MPDZ: variants seen among roughly 807,000 people sequenced by gnomAD.
The protein encoded by MPDZ is multiple PDZ domain crumbs cell polarity complex component.
Under a neutral mutation model 239.1 loss-of-function variants are expected in MPDZ, and 234 were observed. The ratio of observed to expected loss-of-function variants is 0.98; its 90% CI spans 0.88 to 1.09. The LOEUF is 1.09. Among genes scored for constraint, MPDZ ranks in the 50% least tolerant of loss-of-function variants. MPDZ has a pLI of 0.00. For synonymous variants in MPDZ, 1,048 were observed against 881.3 expected, an observed-to-expected ratio of 1.19 and a Z score of -3.35; for missense variants, 3,175 against 2,510.0, an observed-to-expected ratio of 1.26 and a Z score of -5.66.
intron 1 of MPDZ, among the ~76,000 whole-genome samples, chr9:13,252,183 C>T (rs999316896): frequency 6.6e-6 from 1 of 152,088 alleles, no homozygotes; most frequent in Admixed American, 6.6e-5. Context: ...GATTTATTTA[C>T]TCTTATTTAC....
At chr9:13,277,625 C>T (rs751381735) in intron 1 of MPDZ, among the ~76,000 whole-genome samples, 3 of 152,110 alleles carry the variant, frequency 2.0e-5, no homozygotes, top group Non-Finnish European at 2.9e-5. Flanking sequence ...AGTGCAGTGG[C>T]GCGATCTCGG....
At chr9:13,129,358 G>A (rs969976798) in intron 32 of MPDZ, among the ~76,000 whole-genome samples, 43 of 151,550 alleles carry the variant, frequency 2.8e-4, no homozygotes, top group Admixed American at 2.8e-3. Flanking sequence ...AGCTACTCGG[G>A]AGGCTGATGC....
At chr9:13,122,012 A>C (rs1188840621) in intron 37 of MPDZ, 75 bp downstream of exon 37, 1 of 1,599,354 alleles carries the variant, frequency 6.3e-7, no homozygotes, top group African/African-American at 1.3e-5. Flanking sequence ...AGAGAGAAAG[A>C]AGCAAAGAAA....
chr9:13,253,624 A>T (rs1968673925), intron 1 of MPDZ, among the ~76,000 whole-genome samples: 1 of 152,202 alleles, frequency 6.6e-6, no homozygotes, highest in African/African-American at 2.4e-5. Flanking sequence ...CTGAGTGATA[A>T]CAGTGGGTCA....
At chr9:13,246,173 C>T (rs192895537) in intron 3 of MPDZ, among the ~76,000 whole-genome samples, 25 of 152,224 alleles carry the variant, frequency 1.6e-4, no homozygotes, top group Admixed American at 1.2e-3. Context: ...TCTTGCCAGG[C>T]GCGATGGCTC....
chr9:13,199,962 G>A (rs1294823245), intron 12 of MPDZ, among the ~76,000 whole-genome samples: 1 of 151,954 alleles, frequency 6.6e-6, no homozygotes, highest in Non-Finnish European at 1.5e-5. Flanking sequence ...GGCAAGGCTG[G>A]CCCCAAATAA....
At chr9:13,128,277 C>CA (rs1447349092) in intron 32 of MPDZ, among the ~76,000 whole-genome samples, 1 of 152,152 alleles carries the variant, frequency 6.6e-6, no homozygotes, top group African/African-American at 2.4e-5. Flanking sequence ...ACAGCTAGGT[C>CA]AAAAAAGGCA....
At chr9:13,261,384 T>C (rs1218970821) in intron 1 of MPDZ, among the ~76,000 whole-genome samples, 1 of 152,174 alleles carries the variant, frequency 6.6e-6, no homozygotes, top group Non-Finnish European at 1.5e-5. Flanking sequence ...TGAAGCTCTG[T>C]TTGCTCCATT....
chr9:13,138,302 C>G, intron 28 of MPDZ, 149 bp from the exon 29 acceptor site: 1 of 902,066 alleles, frequency 1.1e-6, no homozygotes, highest in Non-Finnish European at 1.6e-6. Context: ...AGACTAGGCA[C>G]TTGGGCATCA....
chr9:13,110,777 C>T (rs781232395), intron 43 of MPDZ, 37 bp from the exon 44 acceptor site: 5 of 1,531,610 alleles, frequency 3.3e-6, no homozygotes, highest in Non-Finnish European at 3.6e-6. Context: ...TCTGCTAAAG[C>T]AGCCATGGAG....
At chr9:13,109,112 C>G (rs10732331) in intron 45 of MPDZ, 53 bp from the exon 46 acceptor site, 1 of 1,222,142 alleles carries the variant, frequency 8.2e-7, no homozygotes, top group Non-Finnish European at 1.1e-6. Flanking sequence ...AAAAACTATA[C>G]ATATATGTTA....
At chr9:13,175,711 G>A (rs781659219) in intron 21 of MPDZ, 41 bp downstream of exon 21, 1 of 1,494,732 alleles carries the variant, frequency 6.7e-7, no homozygotes, top group Non-Finnish European at 9.0e-7. Context: ...CCTTGTCAAG[G>A]GGGTTGAGGA....
At chr9:13,159,268 C>G (rs763367361) in intron 23 of MPDZ, among the ~76,000 whole-genome samples, 4 of 152,166 alleles carry the variant, frequency 2.6e-5, no homozygotes, top group Non-Finnish European at 5.9e-5. Context: ...TGTTTTTAAG[C>G]TATTAGAATA....
chr9:13,107,004 T>C lies in MPDZ; in HGVS notation c.6174A>G (p.Lys2058=), dbSNP rs769779410. 1.9e-6 allele frequency: 3 copies of C among 1,613,538 alleles called. No homozygotes were observed. The African/African-American group carries it at 4.0e-5, about 22-fold the overall frequency. ...TCAAAGTGACAGTGCCTTTTGTCCG[T>C]TTAAGGATGGCAACAGCTTCTTCAT... ...VTHEEAVAIL[K]RTKGTVTLMV... Residue 2058 remains lysine, a synonymous_variant, in exon 47 of 47, where the codon AAA becomes AAG. Coordinates refer to ENST00000319217, the MANE Select transcript of MPDZ (RefSeq NM_001378778.1).
intron 21 of MPDZ, among the ~76,000 whole-genome samples, chr9:13,173,715 A>T (rs112511447): frequency 6.6e-6 from 1 of 152,044 alleles, no homozygotes; most frequent in African/African-American, 2.4e-5. Flanking sequence ...AAAAAAAAAA[A>T]AAAAATTGGT....
intron 21 of MPDZ, among the ~76,000 whole-genome samples, chr9:13,174,420 T>A (rs1022359458): frequency 6.6e-6 from 1 of 152,204 alleles, no homozygotes; most frequent in Non-Finnish European, 1.5e-5. Flanking sequence ...TTGCAAAATC[T>A]CTGCCTTATC....
Position 13,110,683 on chromosome 9 carries a change from G to C in MPDZ, c.5782C>G (p.Gln1928Glu). ...GTSTEGMTHT[Q>E]AVNLLKNASG... ...GCATTTTTCAGTAGGTTAACTGCTTGGGTGTGAGTCATGCCCTCAGTGGAT... is the reference window on the plus strand; with the variant it reads ...GCATTTTTCAGTAGGTTAACTGCTTCGGTGTGAGTCATGCCCTCAGTGGAT... The change falls in exon 44 of 47, where the codon CAA (glutamine) becomes GAA (glutamate). Residue 1928 changes from glutamine (Q) to glutamate (E), a missense_variant. Coordinates refer to ENST00000319217, the MANE Select transcript of MPDZ (RefSeq NM_001378778.1). The C allele has an allele frequency of 6.2e-7, 1 of 1,613,714 alleles. No individual in the cohort carries two copies. The highest frequency in any genetic ancestry group is 8.5e-7 in the Non-Finnish European group (1 of 1,179,782).
intron 32 of MPDZ, among the ~76,000 whole-genome samples, chr9:13,133,166 G>A (rs1191577182): frequency 1.3e-5 from 2 of 152,116 alleles, no homozygotes; most frequent in East Asian, 3.9e-4. Context: ...TCAGGATTTA[G>A]GAGGAAAAGA....
In MPDZ at chr9:13,183,572, T is replaced by C. The variant is rs780411824; in HGVS notation, c.2495A>G (p.Asp832Gly). 1 of 1,612,292 alleles carries C rather than the reference T, an allele frequency of 6.2e-7. No individual in the cohort carries two copies. Among genetic ancestry groups the C allele is most frequent in the Admixed American group, 1.7e-5 (1 of 59,836 alleles). The change falls in exon 19 of 47, where the codon GAT (aspartate) becomes GGT (glycine). Residue 832 changes from aspartate to glycine, a missense_variant. Transcript: ENST00000319217. The part of the protein sequence containing the change: ...RADLALVGTN[D>G]ADLVDESTFE... ...TGTGGATTCATCTACTAAGTCAGCA[T>C]CATTTGTGCCCACCTAGAAACAAAA...
Sources: allele counts gnomAD v4.1 joint callset (sites outside exome capture counted in the v4.1 genomes callset), GRCh38; gene constraint gnomAD v4.1.1; transcripts MANE v1.5; gene names NCBI Gene and HGNC (gene_info 2026-07-23, HGNC 2026-07-21).